EXOC6B: variants seen among roughly 807,000 people sequenced by gnomAD.
The protein encoded by EXOC6B is SEC15 homolog B.
Under a neutral mutation model 113.5 loss-of-function variants are expected in EXOC6B, and 54 were observed. The observed-to-expected ratio is 0.48, with a 90% CI of 0.38 to 0.60. The LOEUF is 0.60. Ranked by LOEUF, EXOC6B falls within the 20% of genes least tolerant of loss-of-function variation. EXOC6B has a pLI of 0.00. For missense variants in EXOC6B, 797 were observed against 977.5 expected, an observed-to-expected ratio of 0.82 and a Z score of 2.46; for synonymous variants, 357 against 339.0, an observed-to-expected ratio of 1.05 and a Z score of -0.58.
At chr2:72,497,555 T>C (rs911190941) in intron 13 of EXOC6B, among the ~76,000 whole-genome samples, 5 of 152,272 alleles carry the variant, frequency 3.3e-5, no homozygotes, top group South Asian at 2.1e-4. Flanking sequence ...AAATATCCTA[T>C]AGAGATAAGA....
At chr2:72,759,790 C>T (rs1241175922) in intron 1 of EXOC6B, among the ~76,000 whole-genome samples, 1 of 152,168 alleles carries the variant, frequency 6.6e-6, no homozygotes, top group Non-Finnish European at 1.5e-5. Context: ...AATATTGATT[C>T]TTTAGAAAAA....
chr2:72,515,277 T>C (rs1434216840), intron 8 of EXOC6B, among the ~76,000 whole-genome samples, 151 bp from the exon 9 acceptor site: 1 of 152,056 alleles, frequency 6.6e-6, no homozygotes, highest in Admixed American at 6.6e-5. Flanking sequence ...CAATAGAAAA[T>C]ACAAATAACT....
At position 72,469,485 on chromosome 2, in the gene EXOC6B, A is replaced by G. The variant is rs866415985; in HGVS notation, c.1801-4146T>C. ...CTTTCACTGCATCTCACAAATTATA[A>G]TAAGTTGTATTTTAATTCTTGTTTA... On this transcript the variant is annotated intron_variant, in intron 17 of 21. Coordinates refer to ENST00000272427, the MANE Select transcript of EXOC6B (RefSeq NM_015189.3). Among the ~76,000 whole-genome samples the G allele has an allele frequency of 4.2e-4, 64 of 152,182 alleles. No individual in the cohort carries two copies. In the Middle Eastern group the frequency reaches 0.01, roughly 24 times the overall value.
intron 20 of EXOC6B, among the ~76,000 whole-genome samples, chr2:72,303,514 T>C (rs1686657443): frequency 6.6e-6 from 1 of 152,148 alleles, no homozygotes; most frequent in Non-Finnish European, 1.5e-5. Flanking sequence ...TTTCCTCAGC[T>C]TGGTTTTTCA....
intron 18 of EXOC6B, among the ~76,000 whole-genome samples, chr2:72,424,611 G>T (rs1035110739): frequency 1.3e-5 from 2 of 151,778 alleles, no homozygotes; most frequent in Admixed American, 6.6e-5. Flanking sequence ...TTTTAAAAAC[G>T]TATTTGTTTT....
chr2:72,659,526 T>A (rs1488510246), intron 6 of EXOC6B, among the ~76,000 whole-genome samples: 1 of 152,142 alleles, frequency 6.6e-6, no homozygotes, highest in Non-Finnish European at 1.5e-5. Flanking sequence ...GGAATCTGTA[T>A]CTTGCTATAC....
intron 5 of EXOC6B, among the ~76,000 whole-genome samples, chr2:72,728,185 C>T (rs1239125064): frequency 6.6e-6 from 1 of 152,044 alleles, no homozygotes; most frequent in East Asian, 1.9e-4. Context: ...ACAATGTAAA[C>T]CCTTTCTTTG....
chr2:72,401,575 A>ATC (rs1362168359), intron 18 of EXOC6B, among the ~76,000 whole-genome samples: 3 of 26,800 alleles, frequency 1.1e-4, no homozygotes, highest in African/African-American at 3.5e-4. Flanking sequence ...ACATATATAT[A>ATC]TATATACATA....
intron 18 of EXOC6B, among the ~76,000 whole-genome samples, chr2:72,401,503 A>ATG (rs1442750263): frequency 1.7e-5 from 1 of 58,164 alleles, no homozygotes; most frequent in Non-Finnish European, 2.6e-5. Flanking sequence ...ACATATATAT[A>ATG]TATATATATA....
At chr2:72,308,073 T>C (rs1686992702) in intron 20 of EXOC6B, among the ~76,000 whole-genome samples, 1 of 152,214 alleles carries the variant, frequency 6.6e-6, no homozygotes, top group South Asian at 2.1e-4. Context: ...GAAAGCATTA[T>C]ATAATTGAAT....
intron 7 of EXOC6B, among the ~76,000 whole-genome samples, chr2:72,560,274 G>GA (rs138982629): frequency 0.026 from 3,895 of 149,018 alleles, 182 homozygotes; most frequent in African/African-American, 0.09. Flanking sequence ...TACCTAAGTT[G>GA]AAAAAAAAAT....
chr2:72,666,780 GACACAC>G (rs71404724), intron 6 of EXOC6B, among the ~76,000 whole-genome samples: 820 of 81,226 alleles, frequency 0.01, 5 homozygotes, highest in Middle Eastern at 0.028. Flanking sequence ...ATTTACAATA[GACACAC>G]ACACACACAC....
intron 8 of EXOC6B, among the ~76,000 whole-genome samples, chr2:72,530,616 C>A (rs1701953933): frequency 6.6e-6 from 1 of 152,064 alleles, no homozygotes; most frequent in Non-Finnish European, 1.5e-5. Flanking sequence ...GATGTTATTT[C>A]TTCTATATTC....
At chr2:72,293,142 G>A (rs1232925155) in intron 20 of EXOC6B, among the ~76,000 whole-genome samples, 1 of 152,056 alleles carries the variant, frequency 6.6e-6, no homozygotes, top group Non-Finnish European at 1.5e-5. Flanking sequence ...ATCATTTTAT[G>A]TCCCCACCAG....
intron 18 of EXOC6B, among the ~76,000 whole-genome samples, chr2:72,448,929 T>A (rs79693661): frequency 0.012 from 1,854 of 152,298 alleles, 50 homozygotes; most frequent in African/African-American, 0.043. Flanking sequence ...GAGAGTGTCA[T>A]TAGCACTCTT....
At chr2:72,557,292 G>T (rs956996574) in intron 8 of EXOC6B, among the ~76,000 whole-genome samples, 1 of 67,152 alleles carries the variant, frequency 1.5e-5, no homozygotes, top group Non-Finnish European at 2.9e-5. Flanking sequence ...ATAAAATCCG[G>T]GGGGGGGGGG....
intron 18 of EXOC6B, among the ~76,000 whole-genome samples, chr2:72,422,875 C>A (rs1008381038): frequency 2.7e-5 from 4 of 148,978 alleles, no homozygotes; most frequent in Admixed American, 6.6e-5. Flanking sequence ...GTAAACGCAC[C>A]AATCAGCGCC....
chr2:72,731,629 T>C (rs1680650601), intron 3 of EXOC6B, among the ~76,000 whole-genome samples: 1 of 152,224 alleles, frequency 6.6e-6, no homozygotes, highest in Non-Finnish European at 1.5e-5. Context: ...GCCCCAGTTT[T>C]AAGGGCTTCT....
At position 72,514,643 on chromosome 2, in the gene EXOC6B, T is replaced by G; in HGVS notation, c.1037A>C (p.Gln346Pro). 8.4e-7 allele frequency: 1 copy of G among 1,185,910 alleles called. No individual in the cohort carries two copies. The highest frequency in any genetic ancestry group is 1.2e-6 in the Non-Finnish European group (1 of 856,266). 73.5% of individuals were successfully genotyped at this position (1,185,910 alleles called of 1,614,324 possible). ...ATATATATATACCTACCCTACAATT[T>G]GATTAAAATACTTCCTGTAGCCATC... Reference protein sequence around the residue: ...TLDGYRKYFNQIVGFFVVEDH... With the variant: ...TLDGYRKYFNPIVGFFVVEDH... Residue 346 changes from glutamine to proline, a missense_variant, in exon 10 of 22, where the codon CAA becomes CCA. Coordinates refer to ENST00000272427, the MANE Select transcript of EXOC6B (RefSeq NM_015189.3).
Sources: allele counts gnomAD v4.1 joint callset (sites outside exome capture counted in the v4.1 genomes callset), GRCh38; gene constraint gnomAD v4.1.1; transcripts MANE v1.5; gene names NCBI Gene and HGNC (gene_info 2026-07-23, HGNC 2026-07-21).